PKD1: variants seen among roughly 807,000 people sequenced by gnomAD.
The protein encoded by PKD1 is polycystin-1.
Under a neutral mutation model 361.7 loss-of-function variants are expected in PKD1, and 81 were observed. The ratio of observed to expected loss-of-function variants is 0.22; its 90% confidence interval spans 0.19 to 0.27. The LOEUF (loss-of-function observed/expected upper bound fraction) is 0.27, where lower values mean the gene tolerates loss of function less well. Ranked by LOEUF, PKD1 falls within the 10% of genes least tolerant of loss-of-function variation. The probability of loss-of-function intolerance (pLI) is 1.00; values close to 1 mark genes in which losing one functional copy is unlikely to be tolerated. For missense variants in PKD1, 6,399 were observed against 6,118.3 expected, an observed-to-expected ratio of 1.05 and a Z score of -1.53; for synonymous variants, 3,615 against 2,818.3, an observed-to-expected ratio of 1.28 and a Z score of -8.95.
At position 2,102,524 on chromosome 16, in the gene PKD1, C is replaced by T. The variant is rs746423125; in HGVS notation, c.9058G>A (p.Glu3020Lys). 1.4e-5 allele frequency: 23 copies of T among 1,606,564 alleles called. No homozygotes were observed. The highest frequency in any genetic ancestry group is 6.7e-5 in the East Asian group (3 of 44,606). The change falls in exon 25 of 46, where the codon GAG becomes AAG. Residue 3020 changes from glutamate (E) to lysine (K), a missense_variant. Transcript: ENST00000262304. ...LYTSLCQYFS[E>K]EDMVWRTEGL... is the part of the protein sequence containing the mutation. ...TCTGTCCGCCACACCATGTCCTCCT[C>T]GCTGAAGTACTGGCACAGGGACGTG...
chr16:2,099,488 T>C, intron 30 of PKD1, 156 bp downstream of exon 30: 1 of 714,292 alleles, frequency 1.4e-6, no homozygotes, highest in Non-Finnish European at 2.5e-6. Context: ...CCCTGGTCAG[T>C]CTAGCTAAGG....
Position 2,111,561 on chromosome 16 carries a change from G to C in PKD1, c.3606C>G (p.Ala1202=). ...EVNNTVSGAA[A]QADVRVFEEL... ...CCTCAAAGACGCGCACATCCGCCTG[G>C]GCCGCCGCACCGCTCACCGTGTTGT... is the stretch of plus-strand genomic sequence containing the variant. The change falls in exon 15 of 46, where the codon GCC becomes GCG. Residue 1202 remains alanine (A), a synonymous_variant. Coordinates refer to ENST00000262304, the MANE Select transcript of PKD1 (RefSeq NM_001009944.3). 1 of 1,583,002 alleles carries C rather than the reference G, an allele frequency of 6.3e-7. No homozygotes were observed. Among genetic ancestry groups the C allele is most frequent in the East Asian group, 2.3e-5 (1 of 43,134 alleles).
In PKD1 at chr16:2,114,445, G is replaced by A. The variant is rs760161862; in HGVS notation, c.2578C>T (p.Arg860Cys). Residue 860 changes from arginine to cysteine, a missense_variant, in exon 11 of 46, where the codon CGC (arginine) becomes TGC (cysteine). Transcript: ENST00000262304. ...DSGANATATA[R>C]WPGGSVSARF... ...GCGCTGACACTGCCCCCAGGCCAGCGAGCCGTGGCCGTGGCGTTGGCACCA... is the reference window on the plus strand; with the variant it reads ...GCGCTGACACTGCCCCCAGGCCAGCAAGCCGTGGCCGTGGCGTTGGCACCA... The A allele has an allele frequency of 3.8e-6, 6 of 1,599,394 alleles. No individual in the cohort carries two copies. The highest frequency in any genetic ancestry group is 2.2e-5 in the East Asian group (1 of 44,876).
intron 20 of PKD1, 38 bp downstream of exon 20, chr16:2,105,827 T>A (rs1304954259): frequency 1.3e-6 from 2 of 1,583,618 alleles, no homozygotes; most frequent in East Asian, 4.5e-5. Context: ...CAAGCACGCA[T>A]GCAGCAGATG....
Position 2,088,881 on chromosome 16 carries a change from G to GCGCGCACACACACACACACA in PKD1, c.*845_*846insTGTGTGTGTGTGTGTGCGCG, listed in dbSNP as rs142285430. The GCGCGCACACACACACACACA allele has an allele frequency of 4.9e-6, 2 of 410,744 alleles. No individual in the cohort carries two copies. Among genetic ancestry groups the GCGCGCACACACACACACACA allele is most frequent in the African/African-American group, 4.5e-5 (2 of 44,062 alleles). 25.4% of individuals were successfully genotyped at this position (410,744 alleles called of 1,614,324 possible). A position where few individuals can be genotyped will look rare whatever the true frequency, so the allele number is the denominator to read the frequency against. The stretch of plus-strand genomic sequence containing the variant: ...ACAGCACACTCGCGCGTGCGCGCGC[G>GCGCGCACACACACACACACA]CACACACACACACACACAGTCACCT... On this transcript the variant is annotated 3_prime_UTR_variant, in exon 46 of 46. Coordinates refer to ENST00000262304, the MANE Select transcript of PKD1 (RefSeq NM_001009944.3).
At chr16:2,104,408 G>C in intron 22 of PKD1, 90 bp downstream of exon 22, 1 of 895,470 alleles carries the variant, frequency 1.1e-6, no homozygotes, top group Non-Finnish European at 1.7e-6. Context: ...AGATGGGATG[G>C]GGCAAAGGCG....
chr16:2,106,426 G>A lies in PKD1; in HGVS notation c.7461C>T (p.Leu2487=), dbSNP rs1198793307. 3.1e-6 allele frequency: 5 copies of A among 1,589,208 alleles called. No individual in the cohort carries two copies. The African/African-American group carries it at 6.7e-5, about 21-fold the overall frequency. ...TGCATTCGAAGTGCACCTTGGTGGT[G>A]AGGGCGTGCACAGCGCCCAGTGGGA... The part of the protein sequence containing the change: ...RLFPLGAVHA[L]TTKVHFECTG... Residue 2487 remains leucine (L), a synonymous_variant, in exon 18 of 46, where the codon CTC becomes CTT. Transcript: ENST00000262304. The surrounding 1 kb of genome is among the most constrained non-coding windows in gnomAD (Gnocchi z 6.5).
chr16:2,123,987 G>A (rs547551424), intron 1 of PKD1, among the ~76,000 whole-genome samples: 47 of 152,348 alleles, frequency 3.1e-4, no homozygotes, highest in Admixed American at 5.2e-4. Flanking sequence ...TGGAAGGCGG[G>A]AGGAGTTAGG....
intron 11 of PKD1, 80 bp from the exon 12 acceptor site, chr16:2,113,372 C>A: frequency 2.2e-6 from 3 of 1,371,852 alleles, no homozygotes. Flanking sequence ...CACCTCCCGT[C>A]GGGCTGGAGA....
At position 2,106,150 on chromosome 16, in the gene PKD1, C is replaced by T. The variant is rs1444019926; in HGVS notation, c.7644G>A (p.Glu2548=). The T allele has an allele frequency of 2.5e-6, 4 of 1,607,578 alleles. No homozygotes were observed. In the Admixed American group the frequency reaches 5.0e-5, roughly 20 times the overall value. ...VLPPGFRPHF[E]VGLAVVVQDQ... ...CCTGCACCACCACGGCCAGGCCCAC[C>T]TCGAAGTGTGGCCTGAAACCCGGGG... The change falls in exon 19 of 46, where the codon GAG becomes GAA. Residue 2548 remains glutamate (E), a synonymous_variant. Coordinates refer to ENST00000262304, the MANE Select transcript of PKD1 (RefSeq NM_001009944.3). This position sits in a 1 kb window ranked among gnomAD's most constrained non-coding sequence, Gnocchi z 6.5.
rs1178911242 is a variant in PKD1, at chr16:2,090,754, A to C, written c.12058T>G (p.Cys4020Gly). Residue 4020 changes from cysteine (C) to glycine (G), a missense_variant, in exon 44 of 46, where the codon TGC (cysteine) becomes GGC (glycine). By Grantham distance (159) the Cys-to-Gly change is radical. Coordinates refer to ENST00000262304, the MANE Select transcript of PKD1 (RefSeq NM_001009944.3). ...RQWSVFGKTLCRALPELLGVT... is the reference protein window; with the variant it reads ...RQWSVFGKTLGRALPELLGVT... ...CCCAGGAGCTCTGGCAGAGCTCGGC[A>C]TAATGTCTTGCCAAAGACGGACCAC... 6.2e-7 allele frequency: 1 copy of C among 1,612,504 alleles called. No individual in the cohort carries two copies. Among genetic ancestry groups the C allele is most frequent in the African/African-American group, 1.3e-5 (1 of 74,918 alleles).
chr16:2,104,979 G>A (rs1331531100), intron 21 of PKD1, among the ~76,000 whole-genome samples: 1 of 84,852 alleles, frequency 1.2e-5, no homozygotes, highest in Non-Finnish European at 2.5e-5. Flanking sequence ...TAGGGGAGGG[G>A]AGGAGGGGAA....
chr16:2,106,646 G>A lies in PKD1; in HGVS notation c.7241C>T (p.Thr2414Met), dbSNP rs201267349. 6.3e-5 allele frequency: 100 copies of A among 1,598,012 alleles called. No homozygotes were observed. In the Middle Eastern group the frequency reaches 6.8e-4, roughly 11 times the overall value. ...TGTGGTGGTCTCATCCAGCACCAGCGTCTTGTTGCTGAACGTACGTGCAGC... is the reference window on the plus strand; with the variant it reads ...TGTGGTGGTCTCATCCAGCACCAGCATCTTGTTGCTGAACGTACGTGCAGC... ...RWAARTFSNKTLVLDETTTST... is the reference protein window; with the variant it reads ...RWAARTFSNKMLVLDETTTST... The change falls in exon 18 of 46, where the codon ACG becomes ATG. Residue 2414 changes from threonine (T) to methionine (M), a missense_variant. Transcript: ENST00000262304. The surrounding 1 kb of genome is among the most constrained non-coding windows in gnomAD (Gnocchi z 6.5).
intron 1 of PKD1, chr16:2,119,901 C>T: frequency 1.4e-6 from 1 of 700,104 alleles, no homozygotes; most frequent in Non-Finnish European, 2.6e-6. Context: ...CACCTCGAGG[C>T]ATAAACCCAG....
At chr16:2,096,928 C>CA (rs2091871579) in intron 34 of PKD1, 1 of 593,104 alleles carries the variant, frequency 1.7e-6, no homozygotes, top group East Asian at 2.8e-5. Context: ...TACAAAGCCC[C>CA]ATGAGCCTGC....
intron 32 of PKD1, 110 bp downstream of exon 32, chr16:2,097,618 G>A (rs1472910962): frequency 6.8e-5 from 109 of 1,610,324 alleles, no homozygotes; most frequent in Middle Eastern, 2.3e-4. Context: ...CCCGGGTGGT[G>A]TGACCACATG....
intron 34 of PKD1, 161 bp downstream of exon 34, chr16:2,096,987 C>G: frequency 1.6e-6 from 1 of 640,778 alleles, no homozygotes; most frequent in East Asian, 2.7e-5. Flanking sequence ...CCATGAGGCT[C>G]TTTCCACAGA....
rs1323698822 is a variant in PKD1, at chr16:2,088,888, C to A, written c.*839G>T. 1 of 436,340 alleles carries A rather than the reference C, an allele frequency of 2.3e-6. No homozygotes were observed. Among genetic ancestry groups the A allele is most frequent in the African/African-American group, 2.3e-5 (1 of 43,154 alleles). The allele number at this position is 436,340 out of a possible 1,614,324, so 27.0% of individuals were successfully genotyped here. On this transcript the variant is annotated 3_prime_UTR_variant, in exon 46 of 46. Coordinates refer to ENST00000262304, the MANE Select transcript of PKD1 (RefSeq NM_001009944.3). ...ACTCGCGCGTGCGCGCGCGCACACA[C>A]ACACACACACAGTCACCTTCCTCCA... is the stretch of plus-strand genomic sequence containing the variant.
chr16:2,104,454 G>T, intron 22 of PKD1, 44 bp downstream of exon 22: 4 of 1,448,408 alleles, frequency 2.8e-6, no homozygotes, highest in Non-Finnish European at 2.8e-6. Context: ...AGAGGAAAGG[G>T]CCGCACGGGG....
Sources: allele counts gnomAD v4.1 joint callset (sites outside exome capture counted in the v4.1 genomes callset), GRCh38; gene constraint gnomAD v4.1.1; non-coding constraint Gnocchi (gnomAD v3.1); transcripts MANE v1.5; gene names NCBI Gene and HGNC (gene_info 2026-07-23, HGNC 2026-07-21).